The following CTTNBP2 variants were observed in gnomAD, a reference collection of about 807,000 sequenced individuals.
CTTNBP2 encodes the protein cortactin-binding protein 2.
CTTNBP2 carries 108 observed loss-of-function variants against 156.9 expected under a neutral mutation model. The observed-to-expected ratio is 0.69, with a 90% CI of 0.59 to 0.81. The LOEUF is 0.81. Among genes scored for constraint, CTTNBP2 ranks in the 30% least tolerant of loss-of-function variants. CTTNBP2 has a pLI of 0.00. For missense variants in CTTNBP2, 1,924 were observed against 2,035.4 expected, an observed-to-expected ratio of 0.95 and a Z score of 1.05; for synonymous variants, 767 against 751.8, an observed-to-expected ratio of 1.02 and a Z score of -0.33.
intron 1 of CTTNBP2, among the ~76,000 whole-genome samples, chr7:117,864,557 T>C (rs1803981486): frequency 6.7e-6 from 1 of 149,498 alleles, no homozygotes; most frequent in Non-Finnish European, 1.5e-5. Flanking sequence ...ATTTTATAAA[T>C]ATAAAGCACT....
At chr7:117,726,732 G>T (rs954605265) in intron 17 of CTTNBP2, among the ~76,000 whole-genome samples, 2 of 152,158 alleles carry the variant, frequency 1.3e-5, no homozygotes, top group East Asian at 3.9e-4. Flanking sequence ...GGATGGGAAG[G>T]GGGGAGTTCC....
At position 117,711,383 on chromosome 7, in the gene CTTNBP2, A is replaced by T; in HGVS notation, c.*154T>A. On this transcript the variant is annotated 3_prime_UTR_variant, in exon 23 of 23. Transcript: ENST00000160373. ...AAGCAACAAAATGTTGGTTATAAAT[A>T]CATTCTTTACAAAAAAAAATTGAAT... is the stretch of plus-strand genomic sequence containing the variant. The T allele has an allele frequency of 1.3e-6, 1 of 791,946 alleles. No homozygotes were observed. The highest frequency in any genetic ancestry group is 1.9e-6 in the Non-Finnish European group (1 of 532,960). 49.1% of individuals were successfully genotyped at this position (791,946 alleles called of 1,614,324 possible). A position where few individuals can be genotyped will look rare whatever the true frequency, so the allele number is the denominator to read the frequency against.
At chr7:117,811,678 T>C (rs980963705) in intron 2 of CTTNBP2, among the ~76,000 whole-genome samples, 1 of 151,996 alleles carries the variant, frequency 6.6e-6, no homozygotes, top group Non-Finnish European at 1.5e-5. Context: ...TATCTCTATA[T>C]CGATAGAACT....
At chr7:117,719,268 A>G (rs1383734429) in intron 21 of CTTNBP2, among the ~76,000 whole-genome samples, 3 of 152,244 alleles carry the variant, frequency 2.0e-5, no homozygotes, top group Non-Finnish European at 2.9e-5. Flanking sequence ...TTAACATACA[A>G]TTTTAACTTC....
At chr7:117,837,960 C>T in intron 2 of CTTNBP2, among the ~76,000 whole-genome samples, 1 of 152,186 alleles carries the variant, frequency 6.6e-6, no homozygotes, top group South Asian at 2.1e-4. Context: ...ATTACCCTAT[C>T]CCTTACACTA....
chr7:117,751,649 A>C (rs989405461), intron 12 of CTTNBP2, among the ~76,000 whole-genome samples: 1 of 152,228 alleles, frequency 6.6e-6, no homozygotes, highest in Non-Finnish European at 1.5e-5. Flanking sequence ...CTTTTAAAGA[A>C]GAGGTATAAG....
Position 117,724,701 on chromosome 7 carries a change from T to C in CTTNBP2, c.4293A>G (p.Gly1431=). 1 of 1,614,178 alleles carries C rather than the reference T, an allele frequency of 6.2e-7. No homozygotes were observed. Among genetic ancestry groups the C allele is most frequent in the Admixed American group, 1.7e-5 (1 of 60,020 alleles). Residue 1431 remains glycine (G), a synonymous_variant, in exon 19 of 23, where the codon GGA becomes GGG. Transcript: ENST00000160373. ...ELDQHTADFK[G]GSFPLSIVSS... ...AAACTATGGATAAAGGGAAACTTCCTCCTTTGAAATCAGCTGTATGCTGGT... is the reference window on the plus strand; with the variant it reads ...AAACTATGGATAAAGGGAAACTTCCCCCTTTGAAATCAGCTGTATGCTGGT...
intron 2 of CTTNBP2, among the ~76,000 whole-genome samples, chr7:117,854,113 C>A (rs963438722): frequency 1.3e-5 from 2 of 152,166 alleles, no homozygotes; most frequent in Non-Finnish European, 2.9e-5. Context: ...AGAAACAACA[C>A]AAAATCTGGT....
intron 22 of CTTNBP2, chr7:117,715,842 G>A (rs1174960445): frequency 6.6e-6 from 1 of 152,150 alleles, no homozygotes; most frequent in African/African-American, 2.4e-5. Context: ...AACTAACCCA[G>A]GAAACTCTTA....
intron 10 of CTTNBP2, chr7:117,760,183 C>A: frequency 1.9e-6 from 1 of 521,974 alleles, no homozygotes; most frequent in East Asian, 3.1e-5. Flanking sequence ...CAAGTGCAAT[C>A]ACAAAGCCTC....
At chr7:117,808,334 C>T (rs868180680) in intron 3 of CTTNBP2, among the ~76,000 whole-genome samples, 4 of 151,738 alleles carry the variant, frequency 2.6e-5, no homozygotes, top group Admixed American at 2.0e-4. Flanking sequence ...GTTACTGGCT[C>T]AAAATGGGAA....
intron 2 of CTTNBP2, among the ~76,000 whole-genome samples, chr7:117,845,927 T>C (rs572957393): frequency 5.3e-5 from 8 of 152,166 alleles, no homozygotes; most frequent in Non-Finnish European, 1.2e-4. Context: ...CTTGGCTCAC[T>C]GCAAGCTCCG....
At chr7:117,774,374 G>A (rs1009419200) in intron 8 of CTTNBP2, among the ~76,000 whole-genome samples, 1 of 152,096 alleles carries the variant, frequency 6.6e-6, no homozygotes, top group African/African-American at 2.4e-5. Flanking sequence ...AACTATGTCA[G>A]GGGTCCCTGA....
rs755408509 is a variant in CTTNBP2, at chr7:117,792,169, C to T, written c.1027G>A (p.Gly343Arg). ...GSPLVSANAK[G>R]SVCTSATMAR... ...ATGGTGGCACTGGTGCACACGCTCC[C>T]TTTTGCATTTGCAGAAACTAGGGGA... The change falls in exon 4 of 23, where the codon GGG (glycine) becomes AGG (arginine). Residue 343 changes from glycine to arginine, a missense_variant. Coordinates refer to ENST00000160373, the MANE Select transcript of CTTNBP2 (RefSeq NM_033427.3). This position sits in a 1 kb window ranked among gnomAD's most constrained non-coding sequence, Gnocchi z 4.2. 4.8e-5 allele frequency: 78 copies of T among 1,614,156 alleles called. No homozygotes were observed. Among genetic ancestry groups the T allele is most frequent in the Non-Finnish European group, 6.4e-5 (75 of 1,180,032 alleles).
chr7:117,792,630 G>T lies in CTTNBP2; in HGVS notation c.566C>A (p.Ala189Asp), dbSNP rs776087114. The T allele has an allele frequency of 3.1e-6, 5 of 1,613,768 alleles. No homozygotes were observed. The African/African-American group carries it at 5.3e-5, about 17-fold the overall frequency. The stretch of plus-strand genomic sequence containing the variant: ...GGCCATTACGTCTTCGAGCTTCTGG[G>T]CCTCCTCTATGACTTTGCCTGAGAG... ...KQLSGKVIEEAQKLEDVMAKL... is the reference protein window; with the variant it reads ...KQLSGKVIEEDQKLEDVMAKL... The change falls in exon 4 of 23, where the codon GCC becomes GAC. Residue 189 changes from alanine (A) to aspartate (D), a missense_variant. Physicochemically the swap from Ala to Asp is moderately radical, Grantham distance 126. Coordinates refer to ENST00000160373, the MANE Select transcript of CTTNBP2 (RefSeq NM_033427.3). This position sits in a 1 kb window ranked among gnomAD's most constrained non-coding sequence, Gnocchi z 4.2.
chr7:117,856,487 C>T (rs192444745), intron 2 of CTTNBP2, among the ~76,000 whole-genome samples: 93 of 152,300 alleles, frequency 6.1e-4, no homozygotes, highest in African/African-American at 2.0e-3. Context: ...TTCTTACAGC[C>T]ACTTGTACAA....
intron 7 of CTTNBP2, among the ~76,000 whole-genome samples, chr7:117,778,551 A>C (rs1798234206): frequency 6.6e-6 from 1 of 152,194 alleles, no homozygotes; most frequent in Non-Finnish European, 1.5e-5. Context: ...GGAACTTTAT[A>C]GAACTGTAAA....
chr7:117,716,063 G>A (rs1400143300), intron 22 of CTTNBP2: 1 of 151,006 alleles, frequency 6.6e-6, no homozygotes, highest in Non-Finnish European at 1.5e-5. Flanking sequence ...GTCTTCAGTG[G>A]GCAAAGGGAG....
intron 18 of CTTNBP2, 45 bp downstream of exon 18, chr7:117,725,007 C>T (rs1399456131): frequency 6.4e-7 from 1 of 1,563,978 alleles, no homozygotes; most frequent in African/African-American, 1.4e-5. Flanking sequence ...AAAGGTATTT[C>T]ACAAGGGTGT....
Sources: allele counts gnomAD v4.1 joint callset (sites outside exome capture counted in the v4.1 genomes callset), GRCh38; gene constraint gnomAD v4.1.1; non-coding constraint Gnocchi (gnomAD v3.1); transcripts MANE v1.5; gene names NCBI Gene and HGNC (gene_info 2026-07-23, HGNC 2026-07-21).